Variants in SPATS2L observed in about 807,000 individuals in gnomAD.
SPATS2L encodes SPATS2-like protein.
A neutral mutation model predicts 59.6 loss-of-function variants in SPATS2L; 30 were observed. The observed-to-expected ratio is 0.50, with a 90% CI of 0.38 to 0.68. The LOEUF is 0.68. Among genes scored for constraint, SPATS2L ranks in the 30% least tolerant of loss-of-function variants. SPATS2L has a pLI of 0.00. For synonymous variants in SPATS2L, 252 were observed against 263.5 expected (o/e 0.96, Z 0.42); for missense variants, 615 against 700.0 (o/e 0.88, Z 1.37).
At chr2:200,337,110 A>G (rs1018104088) in intron 2 of SPATS2L, among the ~76,000 whole-genome samples, 2 of 152,166 alleles carry the variant, frequency 1.3e-5, no homozygotes, top group Non-Finnish European at 2.9e-5. Flanking sequence ...AGTGCCTCAC[A>G]CTGTTTACAA....
At chr2:200,357,363 G>T (rs1472281173) in intron 2 of SPATS2L, among the ~76,000 whole-genome samples, 1 of 152,162 alleles carries the variant, frequency 6.6e-6, no homozygotes, top group Non-Finnish European at 1.5e-5. Flanking sequence ...GAGAAATAAT[G>T]CCAAGCCCAT....
rs200621032 is a variant in SPATS2L at position 200,419,469 on chromosome 2, C to T, written c.418C>T (p.Pro140Ser). The T allele has an allele frequency of 3.1e-6, 5 of 1,613,736 alleles. No individual in the cohort carries two copies. The highest frequency in any genetic ancestry group is 4.2e-6 in the Non-Finnish European group (5 of 1,179,856). Residue 140 changes from proline (P) to serine (S), a missense_variant, in exon 6 of 13, where the codon CCT (proline) becomes TCT (serine). By Grantham distance (74) the Pro-to-Ser change is moderately conservative. Transcript: ENST00000409140. Reference sequence around the variant, plus strand: ...GAAAAAGATCTCGATACTTGAGGAACCTTCAAAGGCACTTCGTGGGGTCAC... The same window carrying T: ...GAAAAAGATCTCGATACTTGAGGAATCTTCAAAGGCACTTCGTGGGGTCAC... ...REKKISILEE[P>S]SKALRGVTEG...
intron 2 of SPATS2L, among the ~76,000 whole-genome samples, chr2:200,343,468 A>G (rs1047477914): frequency 6.6e-6 from 1 of 152,226 alleles, no homozygotes; most frequent in South Asian, 2.1e-4. Flanking sequence ...AGCTGATCAT[A>G]ACACTTGATA....
At chr2:200,467,228 AT>A in intron 9 of SPATS2L, 61 bp from the exon 10 acceptor site, 1 of 1,141,496 alleles carries the variant, frequency 8.8e-7, no homozygotes, top group East Asian at 2.4e-5. Context: ...ATTCCAAGAA[AT>A]TAGGTTATTT....
chr2:200,405,463 C>T (rs1032850336), intron 3 of SPATS2L, among the ~76,000 whole-genome samples: 2 of 151,876 alleles, frequency 1.3e-5, no homozygotes, highest in East Asian at 3.9e-4. Flanking sequence ...GACAGCACCT[C>T]ATGCATATTT....
chr2:200,375,344 C>G (rs1474356849), intron 2 of SPATS2L, among the ~76,000 whole-genome samples: 1 of 151,876 alleles, frequency 6.6e-6, no homozygotes, highest in Non-Finnish European at 1.5e-5. Flanking sequence ...AGGCTTTGAT[C>G]GAGAGGAACT....
chr2:200,387,167 A>G (rs1480289317), intron 2 of SPATS2L, among the ~76,000 whole-genome samples: 1 of 152,190 alleles, frequency 6.6e-6, no homozygotes, highest in Non-Finnish European at 1.5e-5. Context: ...ATAAAATTCG[A>G]GTGTTATTTG....
chr2:200,329,201 T>G lies in SPATS2L; in HGVS notation c.-72-230T>G, dbSNP rs1045082998. Among the ~76,000 whole-genome samples, 6 of 152,322 alleles carry G rather than the reference T, an allele frequency of 3.9e-5. No individual in the cohort carries two copies. The East Asian group carries it at 5.8e-4, about 15-fold the overall frequency. On this transcript the variant is annotated intron_variant, in intron 1 of 12. Coordinates refer to ENST00000409140, the MANE Select transcript of SPATS2L (RefSeq NM_001100423.2). ...TGTTATATATCATCCAGTCAACAAC[T>G]TTGTGAGGAAGGTACTGTTATTATC...
At chr2:200,423,835 T>G (rs997827481) in intron 6 of SPATS2L, among the ~76,000 whole-genome samples, 2 of 152,220 alleles carry the variant, frequency 1.3e-5, no homozygotes, top group Admixed American at 1.3e-4. Flanking sequence ...TATCTTTTTA[T>G]AACACCTTGA....
rs572661666 is a variant in SPATS2L at position 200,462,241 on chromosome 2, T to A, written c.847+2414T>A. ...GGTCAAGAAAAGACCTCAGGTTTCA[T>A]GTACTTATTTTTCCTTCTTGAGACA... On this transcript the variant is annotated intron_variant, in intron 9 of 12. Coordinates refer to ENST00000409140, the MANE Select transcript of SPATS2L (RefSeq NM_001100423.2). Among the ~76,000 whole-genome samples the A allele has an allele frequency of 2.7e-4, 41 of 152,348 alleles. No individual in the cohort carries two copies. The South Asian group carries it at 8.5e-3, about 32-fold the overall frequency.
chr2:200,348,824 G>T (rs1248110260), intron 2 of SPATS2L, among the ~76,000 whole-genome samples: 1 of 151,742 alleles, frequency 6.6e-6, no homozygotes, highest in Non-Finnish European at 1.5e-5. Flanking sequence ...TTCAGAGCTG[G>T]CCCTTGAAAG....
upstream of SPATS2L, chr2:200,306,098 G>C (rs746314558): frequency 2.2e-5 from 22 of 985,898 alleles, no homozygotes; most frequent in Non-Finnish European, 2.7e-5. Context: ...GAACACCCCG[G>C]GTTGGTCGGG....
intron 9 of SPATS2L, among the ~76,000 whole-genome samples, chr2:200,461,512 G>C (rs1053731998): frequency 2.6e-5 from 4 of 152,184 alleles, no homozygotes; most frequent in African/African-American, 9.7e-5. Context: ...ACAAGTGAAT[G>C]TGTGAGGCCC....
chr2:200,421,107 GAGA>G (rs2083291754), intron 6 of SPATS2L, among the ~76,000 whole-genome samples: 1 of 152,200 alleles, frequency 6.6e-6, no homozygotes. Flanking sequence ...AGTAGATTCA[GAGA>G]AGGATATGAT....
In SPATS2L at chr2:200,482,157, CTCT is replaced by C. The variant is rs2087793457; in HGVS notation, c.*4128_*4130del. On this transcript the variant is annotated 3_prime_UTR_variant, in exon 13 of 13. Transcript: ENST00000409140. ...GAAGAGTTGCAAAGTCCCAGTGATTCTCTTGTTACTTAGCTAAGAATTTGAAAT... is the reference window on the plus strand; with the variant it reads ...GAAGAGTTGCAAAGTCCCAGTGATTCTGTTACTTAGCTAAGAATTTGAAAT... The C allele has an allele frequency of 6.6e-6, 1 of 151,834 alleles. No homozygotes were observed. 9.4% of individuals were successfully genotyped at this position (151,834 alleles called of 1,614,324 possible). A position where few individuals can be genotyped will look rare whatever the true frequency, so the allele number is the denominator to read the frequency against.
At chr2:200,431,003 C>T (rs1028488453) in intron 6 of SPATS2L, among the ~76,000 whole-genome samples, 1 of 152,126 alleles carries the variant, frequency 6.6e-6, no homozygotes, top group African/African-American at 2.4e-5. Flanking sequence ...CAGGCATGAA[C>T]CATCGCACCC....
intron 1 of SPATS2L, among the ~76,000 whole-genome samples, chr2:200,328,669 C>A (rs1414586570): frequency 2.0e-5 from 3 of 152,114 alleles, no homozygotes; most frequent in South Asian, 4.1e-4. Context: ...GTTAGCGGAG[C>A]ATTTGAATCC....
intron 2 of SPATS2L, among the ~76,000 whole-genome samples, chr2:200,341,955 T>C (rs902855366): frequency 6.6e-6 from 1 of 152,196 alleles, no homozygotes; most frequent in African/African-American, 2.4e-5. Flanking sequence ...CCCGAAGTGC[T>C]GGGATTACAG....
In SPATS2L at chr2:200,440,405, A is replaced by C. The variant is rs534649511; in HGVS notation, c.653-244A>C. Among the ~76,000 whole-genome samples the C allele has an allele frequency of 1.1e-4, 17 of 152,336 alleles. No homozygotes were observed. The South Asian group carries it at 3.1e-3, about 28-fold the overall frequency. ...AATATAATGATGACAGCCTCCTTCC[A>C]AAGAGTGCAGGAGACAAGCGTACCC... On this transcript the variant is annotated intron_variant, in intron 7 of 12. Transcript: ENST00000409140.
Sources: allele counts gnomAD v4.1 joint callset (sites outside exome capture counted in the v4.1 genomes callset), GRCh38; gene constraint gnomAD v4.1.1; transcripts MANE v1.5; gene names NCBI Gene and HGNC (gene_info 2026-07-23, HGNC 2026-07-21).